The following PCNX2 variants were observed in gnomAD, a reference collection of about 807,000 sequenced individuals.
PCNX2 encodes the protein pecanex 2, also known as pecanex-like protein 2.
In PCNX2, 168 loss-of-function variants were observed where a neutral mutation model predicts 223.8. The ratio of observed to expected loss-of-function variants is 0.75; its 90% confidence interval spans 0.66 to 0.85. The LOEUF (loss-of-function observed/expected upper bound fraction) is 0.85, where lower values mean the gene tolerates loss of function less well. Among genes scored for constraint, PCNX2 ranks in the 40% least tolerant of loss-of-function variants. PCNX2 has a pLI of 0.00. For missense variants in PCNX2, 2,507 were observed against 2,675.5 expected (o/e 0.94, Z 1.39); for synonymous variants, 1,006 against 1,052.6 (o/e 0.96, Z 0.86).
Position 232,986,419 on chromosome 1 carries a change from G to A in PCNX2, c.5913C>T (p.Thr1971=), listed in dbSNP as rs753527948. Residue 1971 remains threonine (T), a synonymous_variant, in exon 33 of 34, where the codon ACC becomes ACT. Coordinates refer to ENST00000258229, the MANE Select transcript of PCNX2 (RefSeq NM_014801.4). The stretch of plus-strand genomic sequence containing the variant: ...GCCTCTGGGCCAGCTCGTGCACTGA[G>A]GTGGACGTCTGGAGGAATGTTTGGC... ...ESRQTFLQTS[T]SVHELAQRLS... The A allele has an allele frequency of 1.2e-6, 2 of 1,606,828 alleles. No individual in the cohort carries two copies. Among genetic ancestry groups the A allele is most frequent in the South Asian group, 1.1e-5 (1 of 89,426 alleles).
At position 233,253,483 on chromosome 1, in the gene PCNX2, G is replaced by T. The variant is rs865900376; in HGVS notation, c.1835-695C>A. 6.6e-5 allele frequency among the ~76,000 whole-genome samples: 10 copies of T among 152,126 alleles called. No individual in the cohort carries two copies. The highest frequency in any genetic ancestry group is 2.4e-4 in the African/African-American group (10 of 41,418). On this transcript the variant is annotated intron_variant, in intron 5 of 33. Transcript: ENST00000258229. The surrounding 1 kb of genome is among the most constrained non-coding windows in gnomAD (Gnocchi z 4.2). ...TCTCTGCCTCCCAAGCAGCTGGGAT[G>T]ACAGGCACATGCCACTACATCCAGC...
At chr1:233,303,391 T>G in the PCNX2 span, among the ~76,000 whole-genome samples, 1 of 152,104 alleles carries the variant, frequency 6.6e-6, no homozygotes, top group Non-Finnish European at 1.5e-5. Flanking sequence ...GGTGTGTGCC[T>G]GTAGTCCCAG....
intron 25 of PCNX2, 84 bp downstream of exon 25, chr1:233,054,184 A>G (rs1572051332): frequency 7.8e-7 from 1 of 1,287,684 alleles, no homozygotes. Context: ...TTCCTGTTTA[A>G]CAGTGACTTC....
intron 19 of PCNX2, among the ~76,000 whole-genome samples, chr1:233,150,940 T>G (rs538536104): frequency 1.3e-5 from 2 of 152,178 alleles, no homozygotes; most frequent in Non-Finnish European, 2.9e-5. Flanking sequence ...CTTTTTCACA[T>G]GAAAAAGGTT....
upstream of PCNX2, among the ~76,000 whole-genome samples, chr1:233,296,054 T>C (rs1303475682): frequency 6.8e-6 from 1 of 146,668 alleles, no homozygotes; most frequent in African/African-American, 2.5e-5. Flanking sequence ...CTGATCCTCC[T>C]GTTAGGGGAC....
At chr1:233,271,954 C>T (rs766275321) in intron 1 of PCNX2, among the ~76,000 whole-genome samples, 77 of 152,028 alleles carry the variant, frequency 5.1e-4, no homozygotes, top group Non-Finnish European at 4.4e-4. Flanking sequence ...CTTGGCTATG[C>T]GGGCTCCTTG....
chr1:233,251,396 T>G (rs943764494), intron 7 of PCNX2, among the ~76,000 whole-genome samples: 8 of 152,320 alleles, frequency 5.3e-5, no homozygotes, highest in Admixed American at 3.9e-4. Context: ...CTCAATTAGC[T>G]CCACTAAAGC....
chr1:233,112,709 T>TGGTCGA, intron 21 of PCNX2: 4 of 567,778 alleles, frequency 7.0e-6, no homozygotes, highest in East Asian at 1.3e-4. Flanking sequence ...GTGTAGATCT[T>TGGTCGA]TGAACAATAT....
chr1:233,001,890 G>T lies in PCNX2; in HGVS notation c.4953-209C>A, dbSNP rs1670101731. On this transcript the variant is annotated intron_variant, in intron 28 of 33. Transcript: ENST00000258229. This position sits in a 1 kb window ranked among gnomAD's most constrained non-coding sequence, Gnocchi z 4.2. ...TCATAAGTGCTAGTGTCATGGCGTG[G>T]GCGTTGTCTTCAGTCATTTTAGGAG... Among the ~76,000 whole-genome samples the T allele has an allele frequency of 6.6e-6, 1 of 152,152 alleles. No homozygotes were observed. The highest frequency in any genetic ancestry group is 2.1e-4 in the South Asian group (1 of 4,828).
chr1:233,172,444 G>T, intron 17 of PCNX2: 1 of 985,396 alleles, frequency 1.0e-6, no homozygotes, highest in Non-Finnish European at 1.2e-6. Flanking sequence ...ACTTCTCAAG[G>T]ATTCTCTTAT....
chr1:233,279,259 C>A (rs1661062688), intron 1 of PCNX2, among the ~76,000 whole-genome samples: 1 of 152,012 alleles, frequency 6.6e-6, no homozygotes, highest in Non-Finnish European at 1.5e-5. Flanking sequence ...CACTCTGTTG[C>A]CCAGGCTGGA....
intron 23 of PCNX2, among the ~76,000 whole-genome samples, chr1:233,083,798 T>A (rs1673472890): frequency 6.6e-6 from 1 of 152,100 alleles, no homozygotes; most frequent in South Asian, 2.1e-4. Flanking sequence ...AAAATAATAT[T>A]TATAGGGCAC....
At chr1:233,309,002 C>CAATT in the PCNX2 span, among the ~76,000 whole-genome samples, 1 of 151,936 alleles carries the variant, frequency 6.6e-6, no homozygotes, top group Admixed American at 6.6e-5. Flanking sequence ...GGAGATACAC[C>CAATT]TATGAAAGAG....
At chr1:233,149,497 C>A (rs1239331495) in intron 19 of PCNX2, among the ~76,000 whole-genome samples, 4 of 152,084 alleles carry the variant, frequency 2.6e-5, no homozygotes, top group Non-Finnish European at 5.9e-5. Flanking sequence ...TGGTGTCACC[C>A]CTGAGGCATC....
At chr1:233,103,201 AG>A (rs1291308910) in intron 21 of PCNX2, among the ~76,000 whole-genome samples, 1 of 152,144 alleles carries the variant, frequency 6.6e-6, no homozygotes, top group Non-Finnish European at 1.5e-5. Flanking sequence ...ATTTTGGTAT[AG>A]GCATGCAATA....
At chr1:233,087,300 G>T in intron 23 of PCNX2, 1 of 733,728 alleles carries the variant, frequency 1.4e-6, no homozygotes, top group Non-Finnish European at 1.7e-6. Flanking sequence ...GGGACTGCTA[G>T]GTGGCCTCCA....
intron 13 of PCNX2, among the ~76,000 whole-genome samples, chr1:233,203,136 G>T (rs1681228312): frequency 1.3e-5 from 2 of 152,162 alleles, no homozygotes; most frequent in South Asian, 4.1e-4. Flanking sequence ...TCTTCCCTGG[G>T]TTGGACATTC....
In PCNX2 at chr1:233,200,661, T is replaced by C. The variant is rs181507332; in HGVS notation, c.2864-397A>G. On this transcript the variant is annotated intron_variant, in intron 13 of 33. Transcript: ENST00000258229. Reference sequence around the variant, plus strand: ...TAGAATCATCTTCAGTTTGAAAGAGTAGACTTGGACATGGGGGAGATGAGG... The same window carrying C: ...TAGAATCATCTTCAGTTTGAAAGAGCAGACTTGGACATGGGGGAGATGAGG... 2.7e-5 allele frequency among the ~76,000 whole-genome samples: 4 copies of C among 150,330 alleles called. No individual in the cohort carries two copies. In the East Asian group the frequency reaches 5.9e-4, roughly 22 times the overall value.
At chr1:233,206,656 C>G (rs919205060) in intron 13 of PCNX2, among the ~76,000 whole-genome samples, 29 of 151,832 alleles carry the variant, frequency 1.9e-4, no homozygotes, top group African/African-American at 6.8e-4. Flanking sequence ...TATTTTTTTT[C>G]CAACATGTTT....
Sources: allele counts gnomAD v4.1 joint callset (sites outside exome capture counted in the v4.1 genomes callset), GRCh38; gene constraint gnomAD v4.1.1; non-coding constraint Gnocchi (gnomAD v3.1); transcripts MANE v1.5; gene names NCBI Gene and HGNC (gene_info 2026-07-23, HGNC 2026-07-21).